Variants in SPIDR observed in about 807,000 individuals in gnomAD.
SPIDR encodes scaffold protein involved in DNA repair, also known as DNA repair-scaffolding protein.
In SPIDR, 93 loss-of-function variants were observed where a neutral mutation model predicts 104.6. The observed-to-expected ratio is 0.89, with a 90% CI of 0.75 to 1.06. The LOEUF (loss-of-function observed/expected upper bound fraction) is 1.06, where lower values mean the gene tolerates loss of function less well. Ranked by LOEUF, SPIDR falls within the 50% of genes least tolerant of loss-of-function variation. The probability of loss-of-function intolerance (pLI) is 0.00; values close to 1 mark genes in which losing one functional copy is unlikely to be tolerated. For synonymous variants in SPIDR, 431 were observed against 416.9 expected (o/e 1.03, Z -0.41); for missense variants, 1,154 against 1,111.2 (o/e 1.04, Z -0.55).
chr8:47,348,649 C>T (rs565057780), intron 5 of SPIDR, among the ~76,000 whole-genome samples: 103 of 152,158 alleles, frequency 6.8e-4, no homozygotes, highest in African/African-American at 2.1e-3. Flanking sequence ...AGGGTTTGTT[C>T]GTTTCTTTTT....
intron 5 of SPIDR, among the ~76,000 whole-genome samples, chr8:47,373,578 A>G (rs1312786719): frequency 2.0e-5 from 3 of 152,086 alleles, no homozygotes; most frequent in Non-Finnish European, 4.4e-5. Context: ...CGTAGGTATA[A>G]AAGTCAGTGC....
chr8:47,416,130 G>A (rs192688880), intron 7 of SPIDR, among the ~76,000 whole-genome samples: 84 of 152,316 alleles, frequency 5.5e-4, no homozygotes, highest in Admixed American at 4.5e-3. Flanking sequence ...TGTAATCTCA[G>A]CTACGCAGGA....
chr8:47,296,175 C>T (rs1357011148), intron 5 of SPIDR, among the ~76,000 whole-genome samples: 1 of 152,264 alleles, frequency 6.6e-6, no homozygotes, highest in Non-Finnish European at 1.5e-5. Flanking sequence ...TAGATATTAG[C>T]GCCTTATCAG....
At chr8:47,625,765 A>AT (rs1488201205) in intron 10 of SPIDR, among the ~76,000 whole-genome samples, 1 of 152,170 alleles carries the variant, frequency 6.6e-6, no homozygotes, top group African/African-American at 2.4e-5. Flanking sequence ...AGAACATTCC[A>AT]TGCTCATGGG....
chr8:47,322,290 C>G (rs1268881060), intron 5 of SPIDR, among the ~76,000 whole-genome samples: 1 of 152,208 alleles, frequency 6.6e-6, no homozygotes, highest in East Asian at 1.9e-4. Flanking sequence ...TATGAGCAGA[C>G]ACTTCTCAAA....
intron 10 of SPIDR, among the ~76,000 whole-genome samples, chr8:47,612,388 C>A (rs1563313447): frequency 6.6e-6 from 1 of 152,256 alleles, no homozygotes; most frequent in East Asian, 1.9e-4. Context: ...ACCAGGAAAT[C>A]TTGTCTTTAA....
rs373923491 is a variant in SPIDR at position 47,658,863 on chromosome 8, G to A, written c.1545-14938G>A. On this transcript the variant is annotated intron_variant, in intron 10 of 19. Transcript: ENST00000297423. ...AGGCAGGAGAATCGCTTGGACCGGCGAGGTGGAGATTGCAGTGAGCCAAGA... is the reference window on the plus strand; with the variant it reads ...AGGCAGGAGAATCGCTTGGACCGGCAAGGTGGAGATTGCAGTGAGCCAAGA... Among the ~76,000 whole-genome samples, 32 of 150,960 alleles carry A rather than the reference G, an allele frequency of 2.1e-4. 1 individual carries two copies. The highest frequency in any genetic ancestry group is 3.4e-3 in the Middle Eastern group (1 of 294).
intron 8 of SPIDR, among the ~76,000 whole-genome samples, chr8:47,587,391 G>T (rs1414292237): frequency 2.0e-5 from 3 of 151,912 alleles, no homozygotes; most frequent in Non-Finnish European, 2.9e-5. Context: ...ATTACTTGAG[G>T]TCAGGACTTC....
chr8:47,412,132 A>G (rs1012587825), intron 7 of SPIDR, among the ~76,000 whole-genome samples: 1 of 152,154 alleles, frequency 6.6e-6, no homozygotes, highest in Non-Finnish European at 1.5e-5. Context: ...TGACTTGGCA[A>G]TGCGGGCTCT....
chr8:47,311,293 C>T (rs1485201205), intron 5 of SPIDR, among the ~76,000 whole-genome samples: 1 of 152,148 alleles, frequency 6.6e-6, no homozygotes, highest in African/African-American at 2.4e-5. Context: ...AAAAATGAAG[C>T]TAGCCTCAGT....
At chr8:47,678,664 G>A (rs2076734505) in intron 11 of SPIDR, among the ~76,000 whole-genome samples, 1 of 152,124 alleles carries the variant, frequency 6.6e-6, no homozygotes, top group Admixed American at 6.5e-5. Context: ...ATGGGCTAAG[G>A]GCTAAAATGG....
At chr8:47,368,139 A>G (rs1554635953) in intron 5 of SPIDR, among the ~76,000 whole-genome samples, 1 of 151,990 alleles carries the variant, frequency 6.6e-6, no homozygotes, top group East Asian at 1.9e-4. Flanking sequence ...GGGACAAGGC[A>G]GCTCTCTGGG....
At chr8:47,669,074 T>G (rs1037019261) in intron 10 of SPIDR, among the ~76,000 whole-genome samples, 1 of 152,076 alleles carries the variant, frequency 6.6e-6, no homozygotes, top group Admixed American at 6.5e-5. Context: ...TAAAAATGAG[T>G]AAGTTCAAGC....
At chr8:47,406,252 C>CT (rs1316484587) in intron 6 of SPIDR, among the ~76,000 whole-genome samples, 1 of 152,142 alleles carries the variant, frequency 6.6e-6, no homozygotes, top group Non-Finnish European at 1.5e-5. Context: ...ATTATCAAGA[C>CT]TAAGAGTTTG....
chr8:47,563,647 G>A (rs775373752), intron 8 of SPIDR, among the ~76,000 whole-genome samples: 7 of 152,136 alleles, frequency 4.6e-5, no homozygotes, highest in Admixed American at 1.3e-4. Flanking sequence ...ATAAGACTTA[G>A]AATCTGCAAG....
At chr8:47,555,146 A>T (rs1377434917) in intron 8 of SPIDR, among the ~76,000 whole-genome samples, 1 of 152,102 alleles carries the variant, frequency 6.6e-6, no homozygotes, top group Non-Finnish European at 1.5e-5. Context: ...CTCTGTACTT[A>T]TGATCATTAT....
At chr8:47,580,911 G>A (rs2059639048) in intron 8 of SPIDR, among the ~76,000 whole-genome samples, 1 of 152,222 alleles carries the variant, frequency 6.6e-6, no homozygotes, top group African/African-American at 2.4e-5. Context: ...TAGAAGTTCA[G>A]TTTTTAGTTG....
chr8:47,339,364 A>G (rs1483760095), intron 5 of SPIDR, among the ~76,000 whole-genome samples: 1 of 152,204 alleles, frequency 6.6e-6, no homozygotes, highest in Non-Finnish European at 1.5e-5. Flanking sequence ...ATTAAAAACT[A>G]ATTCCCCATG....
At chr8:47,661,577 G>A (rs2074112099) in intron 10 of SPIDR, among the ~76,000 whole-genome samples, 1 of 152,234 alleles carries the variant, frequency 6.6e-6, no homozygotes, top group Admixed American at 6.5e-5. Context: ...TGAGCCCGCC[G>A]TGGCCTGGCT....
Sources: gnomAD v4.1 joint callset for allele counts (sites outside exome capture counted in the v4.1 genomes callset) on GRCh38, gnomAD v4.1.1 for gene constraint, MANE v1.5 for transcripts, NCBI Gene and HGNC (gene_info 2026-07-23, HGNC 2026-07-21) for gene names.